The following SEMA4B variants were observed in gnomAD, a reference collection of about 807,000 sequenced individuals.
The protein encoded by SEMA4B is semaphorin 4B.
SEMA4B carries 55 observed loss-of-function variants against 88.1 expected under a neutral mutation model. The observed-to-expected ratio is 0.62, with a 90% CI of 0.50 to 0.78. The LOEUF (loss-of-function observed/expected upper bound fraction) is 0.78. Among genes scored for constraint, SEMA4B ranks in the 30% least tolerant of loss-of-function variants. The pLI, the probability that SEMA4B is intolerant of heterozygous loss-of-function variation, is 0.00. For synonymous variants in SEMA4B, 525 were observed against 473.6 expected, an observed-to-expected ratio of 1.11 and a Z score of -1.41; for missense variants, 1,062 against 1,111.9, an observed-to-expected ratio of 0.96 and a Z score of 0.64.
rs184557994 is a variant in SEMA4B, at chr15:90,193,180, C to G, written c.-122+8099C>G. On this transcript the variant is annotated intron_variant, in intron 1 of 14. Coordinates refer to the SEMA4B transcript ENST00000332496. ...TGGCATTCTGGCTGAGAAAGACTCG[C>G]CAACATCCAAGAGTGGCAAAGGGGA... The G allele has an allele frequency of 2.6e-3, 398 of 152,364 alleles. 3 individuals carry two copies. Among genetic ancestry groups the G allele is most frequent in the African/African-American group, 9.3e-3 (385 of 41,566 alleles). The allele number at this position is 152,364 out of a possible 1,614,324, so 9.4% of individuals were successfully genotyped here.
intron 1 of SEMA4B, among the ~76,000 whole-genome samples, chr15:90,213,871 C>T (rs528956720): frequency 3.2e-4 from 48 of 152,226 alleles, no homozygotes; most frequent in Non-Finnish European, 5.9e-4. Context: ...TTATATGTCT[C>T]ATTCCTCCCG....
chr15:90,227,935 G>T lies in SEMA4B; in HGVS notation c.1806G>T (p.Gln602His), dbSNP rs778024238. ...AGCCATGTGAGCAAGTCCAGTTCCAGCCCAACACAGTGAACACTTTGGCCT... is the reference window on the plus strand; with the variant it reads ...AGCCATGTGAGCAAGTCCAGTTCCATCCCAACACAGTGAACACTTTGGCCT... The part of the protein sequence containing the change: ...GEKPCEQVQF[Q>H]PNTVNTLACP... Residue 602 changes from glutamine to histidine, a missense_variant, in exon 14 of 14, where the codon CAG (glutamine) becomes CAT (histidine). By Grantham distance (24) the Gln-to-His change is conservative. Coordinates refer to ENST00000411539, the MANE Select transcript of SEMA4B (RefSeq NM_198925.4). 3.2e-5 allele frequency: 51 copies of T among 1,613,058 alleles called. No homozygotes were observed. Among genetic ancestry groups the T allele is most frequent in the Non-Finnish European group, 4.2e-5 (50 of 1,179,872 alleles).
intron 12 of SEMA4B, chr15:90,227,196 C>T (rs900968470): frequency 9.9e-5 from 23 of 231,858 alleles, no homozygotes; most frequent in African/African-American, 2.1e-4. Flanking sequence ...CACAGGCGTG[C>T]GCCACCATGC....
chr15:90,227,204 T>C lies in SEMA4B; in HGVS notation c.1689-353T>C, dbSNP rs547604348. 5 of 241,968 alleles carry C rather than the reference T, an allele frequency of 2.1e-5. No homozygotes were observed. The East Asian group carries it at 3.3e-4, about 16-fold the overall frequency. 15.0% of individuals were successfully genotyped at this position (241,968 alleles called of 1,614,324 possible). ...GTGGAACCACAGGCGTGCGCCACCATGCCTGGCTAATTTTTCTATTTTTTG... is the reference window on the plus strand; with the variant it reads ...GTGGAACCACAGGCGTGCGCCACCACGCCTGGCTAATTTTTCTATTTTTTG... On this transcript the variant is annotated intron_variant, in intron 12 of 13. Transcript: ENST00000411539.
intron 1 of SEMA4B, among the ~76,000 whole-genome samples, chr15:90,189,193 T>G (rs1345755980): frequency 4.9e-5 from 7 of 143,596 alleles, no homozygotes; most frequent in African/African-American, 7.8e-5. Flanking sequence ...AGGAGAGAAG[T>G]GAAGGAAGGA....
Position 90,217,319 on chromosome 15 carries a change from C to A in SEMA4B, c.158-120C>A, listed in dbSNP as rs539572984. 6 of 990,624 alleles carry A rather than the reference C, an allele frequency of 6.1e-6. No homozygotes were observed. In the South Asian group the frequency reaches 1.0e-4, roughly 17 times the overall value. The allele number at this position is 990,624 out of a possible 1,614,324, so 61.4% of individuals were successfully genotyped here. A position where few individuals can be genotyped will look rare whatever the true frequency, so the allele number is the denominator to read the frequency against. On this transcript the variant is annotated intron_variant, in intron 1 of 13. Coordinates refer to ENST00000411539, the MANE Select transcript of SEMA4B (RefSeq NM_198925.4). Reference sequence around the variant, plus strand: ...TGATCCCCCTGCCCCCAGCCCCTTGCCATTGCCACCCTTTGCCTTGCTGAT... The same window carrying A: ...TGATCCCCCTGCCCCCAGCCCCTTGACATTGCCACCCTTTGCCTTGCTGAT...
intron 13 of SEMA4B, 83 bp from the exon 14 acceptor site, chr15:90,227,821 G>T: frequency 6.3e-7 from 1 of 1,584,484 alleles, no homozygotes; most frequent in South Asian, 1.1e-5. Flanking sequence ...TGGCACCAGG[G>T]GCATAGCCCA....
At chr15:90,201,854 C>T in intron 1 of SEMA4B, 119 bp downstream of exon 1, 3 of 972,204 alleles carry the variant, frequency 3.1e-6, no homozygotes, top group South Asian at 2.1e-5. Flanking sequence ...GCACGGGATC[C>T]ATTAGGACCC....
chr15:90,195,110 T>C (rs2137891), intron 1 of SEMA4B, among the ~76,000 whole-genome samples: 16,132 of 151,178 alleles, frequency 0.11, 1,077 homozygotes, highest in Admixed American at 0.19. Flanking sequence ...ATTTTGTTTG[T>C]TTTTTTTTAG....
At position 90,228,272 on chromosome 15, in the gene SEMA4B, T is replaced by C. The variant is rs752768495; in HGVS notation, c.2143T>C (p.Trp715Arg). The C allele has an allele frequency of 6.3e-7, 1 of 1,590,718 alleles. No homozygotes were observed. The highest frequency in any genetic ancestry group is 1.3e-5 in the African/African-American group (1 of 74,718). The part of the protein sequence containing the change: ...KASWGADRSY[W>R]KEFLVMCTLF... ...CAGCTGGGGTGCAGACAGGTCCTAC[T>C]GGAAGGAGTTCCTGGTGATGTGCAC... Residue 715 changes from tryptophan (W) to arginine (R), a missense_variant, in exon 14 of 14, where the codon TGG becomes CGG. Transcript: ENST00000411539.
At chr15:90,202,426 G>C (rs554390671) in intron 1 of SEMA4B, among the ~76,000 whole-genome samples, 2 of 152,326 alleles carry the variant, frequency 1.3e-5, no homozygotes, top group East Asian at 1.9e-4. Flanking sequence ...GTAGCATCCT[G>C]GTTGGCTGGG....
At position 90,223,731 on chromosome 15, in the gene SEMA4B, C is replaced by G. The variant is rs1329225326; in HGVS notation, c.1034C>G (p.Thr345Ser). The G allele has an allele frequency of 3.7e-6, 6 of 1,606,472 alleles. No individual in the cohort carries two copies. The highest frequency in any genetic ancestry group is 4.3e-6 in the Non-Finnish European group (5 of 1,174,282). ...GACACCCTTTTCTATGGGGTCTTCA[C>G]TTCCCAGTGGTAGGGCCTCCAGACC... ...WRDTLFYGVF[T>S]SQWHRGTTEG... Residue 345 changes from threonine to serine, a missense_variant, in exon 8 of 14, where the codon ACT becomes AGT. By Grantham distance (58) the Thr-to-Ser change is moderately conservative. Transcript: ENST00000411539.
At chr15:90,220,114 A>T (rs1339387875) in intron 4 of SEMA4B, 2 of 515,190 alleles carry the variant, frequency 3.9e-6, no homozygotes, top group Non-Finnish European at 6.8e-6. Flanking sequence ...ACATGCGGTC[A>T]CTTACCCATG....
chr15:90,211,694 G>GT (rs1398565852), intron 1 of SEMA4B, among the ~76,000 whole-genome samples: 1 of 152,176 alleles, frequency 6.6e-6, no homozygotes, highest in Non-Finnish European at 1.5e-5. Flanking sequence ...GTGACTTATC[G>GT]TGACATCCCT....
intron 4 of SEMA4B, chr15:90,220,204 G>A (rs1961741397): frequency 6.4e-6 from 2 of 310,666 alleles, no homozygotes; most frequent in South Asian, 1.1e-4. Context: ...TGATTCTCTT[G>A]TCTTATCTTG....
intron 7 of SEMA4B, among the ~76,000 whole-genome samples, chr15:90,223,225 A>G (rs547779286): frequency 6.6e-6 from 1 of 152,220 alleles, no homozygotes; most frequent in East Asian, 1.9e-4. Context: ...AATTATAGGC[A>G]TTAATAATAT....
chr15:90,185,518 G>A (rs1241742927), intron 1 of SEMA4B, among the ~76,000 whole-genome samples: 1 of 152,240 alleles, frequency 6.6e-6, no homozygotes, highest in African/African-American at 2.4e-5. Flanking sequence ...AGGCTAGAAG[G>A]AGAAGGAAGT....
intron 1 of SEMA4B, among the ~76,000 whole-genome samples, chr15:90,186,846 T>G (rs1028480643): frequency 2.0e-5 from 3 of 151,870 alleles, no homozygotes; most frequent in African/African-American, 7.3e-5. Context: ...GACAGAAGAA[T>G]GGTGTGAACC....
At chr15:90,205,969 G>A (rs1960966379) in intron 1 of SEMA4B, among the ~76,000 whole-genome samples, 2 of 152,192 alleles carry the variant, frequency 1.3e-5, no homozygotes, top group Non-Finnish European at 2.9e-5. Context: ...GCCCTTCACT[G>A]GTTCTGCTCT....
Sources: allele counts gnomAD v4.1 joint callset (sites outside exome capture counted in the v4.1 genomes callset), GRCh38; gene constraint gnomAD v4.1.1; transcripts MANE v1.5; gene names NCBI Gene and HGNC (gene_info 2026-07-23, HGNC 2026-07-21).